SPON1: variants seen among roughly 807,000 people sequenced by gnomAD.
The protein encoded by SPON1 is spondin 1.
A neutral mutation model predicts 111.7 loss-of-function variants in SPON1; 52 were observed. The ratio of observed to expected loss-of-function variants is 0.47; its 90% CI spans 0.37 to 0.59. The LOEUF is 0.59. SPON1 is among the 20% of genes least tolerant of loss of function. The pLI is 0.00. For synonymous variants in SPON1, 410 were observed against 395.8 expected, an observed-to-expected ratio of 1.04 and a Z score of -0.43; for missense variants, 957 against 1,068.5, an observed-to-expected ratio of 0.90 and a Z score of 1.46.
intron 6 of SPON1, among the ~76,000 whole-genome samples, chr11:14,189,389 A>G (rs964287011): frequency 6.6e-6 from 1 of 152,118 alleles, no homozygotes; most frequent in East Asian, 1.9e-4. Context: ...CCATATACCA[A>G]CAATTCTCTT....
intron 3 of SPON1, among the ~76,000 whole-genome samples, chr11:14,045,404 C>A (rs2133815700): frequency 6.6e-6 from 1 of 151,996 alleles, no homozygotes; most frequent in East Asian, 1.9e-4. Context: ...TGGTGAAACC[C>A]CCGTCTCTTC....
intron 15 of SPON1, 162 bp downstream of exon 15, chr11:14,263,137 T>A (rs1303500212): frequency 4.1e-6 from 3 of 727,424 alleles, no homozygotes; most frequent in Non-Finnish European, 4.3e-6. Context: ...AGATCCAAGT[T>A]TGTTCCCAAA....
At chr11:14,263,886 G>T (rs1222513427) in intron 15 of SPON1, among the ~76,000 whole-genome samples, 1 of 151,856 alleles carries the variant, frequency 6.6e-6, no homozygotes. Flanking sequence ...AAAATTAGCC[G>T]GGCATGGTGG....
At chr11:14,126,273 A>C (rs1591382456) in intron 5 of SPON1, among the ~76,000 whole-genome samples, 1 of 152,216 alleles carries the variant, frequency 6.6e-6, no homozygotes, top group Non-Finnish European at 1.5e-5. Flanking sequence ...CATGTGCAGA[A>C]CACCTCAGAG....
intron 4 of SPON1, among the ~76,000 whole-genome samples, chr11:14,079,180 T>C (rs891162237): frequency 4.6e-5 from 7 of 152,186 alleles, no homozygotes; most frequent in Non-Finnish European, 1.5e-5. Flanking sequence ...TTTATTCATG[T>C]AATCTCTCTT....
chr11:14,265,430 G>A (rs1383655288), intron 15 of SPON1, 94 bp from the exon 16 acceptor site: 1 of 1,375,638 alleles, frequency 7.3e-7, no homozygotes, highest in Non-Finnish European at 9.8e-7. Context: ...CAGAGGAGGA[G>A]CCCAGACAAG....
At chr11:14,159,538 G>A (rs564422179) in intron 6 of SPON1, among the ~76,000 whole-genome samples, 1 of 152,234 alleles carries the variant, frequency 6.6e-6, no homozygotes, top group African/African-American at 2.4e-5. Context: ...GCTGGGTATA[G>A]ATCCAAAAGA....
intron 2 of SPON1, among the ~76,000 whole-genome samples, chr11:14,033,942 A>G (rs888260038): frequency 1.5e-4 from 23 of 152,240 alleles, no homozygotes; most frequent in African/African-American, 5.5e-4. Flanking sequence ...TTAAACTTAA[A>G]CTTAACCCAA....
intron 2 of SPON1, among the ~76,000 whole-genome samples, chr11:14,005,358 C>T (rs1468652338): frequency 1.3e-5 from 2 of 152,184 alleles, no homozygotes; most frequent in African/African-American, 4.8e-5. Context: ...AGATCATCCC[C>T]ATTGAGATCT....
At chr11:14,095,688 A>C (rs1849095111) in intron 5 of SPON1, among the ~76,000 whole-genome samples, 1 of 152,194 alleles carries the variant, frequency 6.6e-6, no homozygotes. Flanking sequence ...CTTCCTCTGC[A>C]TATTGTTCTA....
chr11:14,214,715 T>C (rs145991398), intron 6 of SPON1, among the ~76,000 whole-genome samples: 58 of 152,256 alleles, frequency 3.8e-4, no homozygotes, highest in African/African-American at 1.2e-3. Context: ...CGGAGAACTG[T>C]CTCAGGATAA....
chr11:13,990,567 T>A (rs1848221623), intron 2 of SPON1, among the ~76,000 whole-genome samples: 1 of 151,938 alleles, frequency 6.6e-6, no homozygotes, highest in Admixed American at 6.6e-5. Flanking sequence ...TTTAGCCCAT[T>A]TACATTTAAG....
chr11:14,095,315 CT>C (rs1161309733), intron 5 of SPON1, among the ~76,000 whole-genome samples: 6 of 152,136 alleles, frequency 3.9e-5, no homozygotes, highest in Admixed American at 1.3e-4. Context: ...CATAGCCCTT[CT>C]TTCTCAATCT....
intron 2 of SPON1, among the ~76,000 whole-genome samples, chr11:14,028,149 A>C (rs899923234): frequency 6.6e-6 from 1 of 152,098 alleles, no homozygotes; most frequent in Non-Finnish European, 1.5e-5. Context: ...ACTTCACTGG[A>C]TTATTGTTTG....
At chr11:14,138,526 A>C (rs1006868917) in intron 6 of SPON1, among the ~76,000 whole-genome samples, 21 of 152,064 alleles carry the variant, frequency 1.4e-4, no homozygotes, top group African/African-American at 5.1e-4. Context: ...TGGAAGGACA[A>C]AGGCAAATGT....
At chr11:14,184,042 G>T (rs1252246523) in intron 6 of SPON1, among the ~76,000 whole-genome samples, 1 of 152,154 alleles carries the variant, frequency 6.6e-6, no homozygotes, top group Non-Finnish European at 1.5e-5. Flanking sequence ...GATCAGATGG[G>T]ATAGTATTAT....
intron 6 of SPON1, among the ~76,000 whole-genome samples, chr11:14,196,040 T>A (rs1455745916): frequency 4.6e-5 from 7 of 152,184 alleles, no homozygotes; most frequent in African/African-American, 1.7e-4. Context: ...GCCTCATGAT[T>A]TTCTCTAGGA....
chr11:14,160,573 A>ATATATATATT (rs1847911816), intron 6 of SPON1, among the ~76,000 whole-genome samples: 4 of 24,724 alleles, frequency 1.6e-4, no homozygotes, highest in South Asian at 2.1e-3. Context: ...ATATATATTT[A>ATATATATATT]TATATATATT....
At chr11:13,985,979 G>A (rs192521382) in intron 2 of SPON1, among the ~76,000 whole-genome samples, 1 of 152,270 alleles carries the variant, frequency 6.6e-6, no homozygotes, top group East Asian at 1.9e-4. Flanking sequence ...CCCCCATGCT[G>A]TCCCTTCCAA....
Sources: gnomAD v4.1 joint callset for allele counts (sites outside exome capture counted in the v4.1 genomes callset) on GRCh38, gnomAD v4.1.1 for gene constraint, MANE v1.5 for transcripts, NCBI Gene and HGNC (gene_info 2026-07-23, HGNC 2026-07-21) for gene names.